RPS5: variants seen among roughly 807,000 people sequenced by gnomAD.
RPS5 encodes the protein small ribosomal subunit protein uS7.
A neutral mutation model predicts 20.9 loss-of-function variants in RPS5; 2 were observed. That is an observed-to-expected ratio of 0.10 (90% CI 0.04 to 0.30). The LOEUF (loss-of-function observed/expected upper bound fraction) is 0.30. Ranked by LOEUF, RPS5 falls within the 10% of genes least tolerant of loss-of-function variation. The pLI is 1.00. For missense variants in RPS5, 122 were observed against 287.2 expected (o/e 0.42, Z 4.16); for synonymous variants, 112 against 105.8 (o/e 1.06, Z -0.36).
chr19:58,392,443 G>GGCCAACA (rs2052369797), intron 2 of RPS5, among the ~76,000 whole-genome samples: 1 of 151,946 alleles, frequency 6.6e-6, no homozygotes, highest in South Asian at 2.1e-4. Context: ...GGCCAACATA[G>GGCCAACA]TGAAACCTGT....
At chr19:58,392,821 G>A (rs923163011) in intron 2 of RPS5, among the ~76,000 whole-genome samples, 155 bp from the exon 3 acceptor site, 1 of 152,106 alleles carries the variant, frequency 6.6e-6, no homozygotes, top group Non-Finnish European at 1.5e-5. Context: ...ATGGTGGATG[G>A]GGCTTACATC....
intron 2 of RPS5, among the ~76,000 whole-genome samples, chr19:58,389,438 C>CT (rs1390853527): frequency 6.7e-6 from 1 of 149,808 alleles, no homozygotes; most frequent in East Asian, 1.9e-4. Flanking sequence ...AACCTGCTAC[C>CT]TTTTGTTTTA....
chr19:58,390,624 C>T (rs776245722), intron 2 of RPS5, among the ~76,000 whole-genome samples: 8 of 151,950 alleles, frequency 5.3e-5, no homozygotes, highest in Non-Finnish European at 1.2e-4. Context: ...TTAGTAGAGA[C>T]AGGGTTTCAC....
At chr19:58,393,330 T>C (rs765671546) in intron 3 of RPS5, 29 bp from the exon 4 acceptor site, 1 of 1,611,578 alleles carries the variant, frequency 6.2e-7, no homozygotes, top group Admixed American at 1.7e-5. Flanking sequence ...TGGGGCTGGA[T>C]GTCAGGCTCA....
At chr19:58,391,105 G>A (rs531101901) in intron 2 of RPS5, among the ~76,000 whole-genome samples, 69 of 152,206 alleles carry the variant, frequency 4.5e-4, no homozygotes, top group African/African-American at 8.4e-4. Context: ...TTTGTGTGGG[G>A]ATGGCTATGT....
Position 58,388,208 on chromosome 19 carries a change from G to A in RPS5, c.71G>A (p.Ser24Asn). The change falls in exon 2 of 6, where the codon AGC (serine) becomes AAC (asparagine). Residue 24 changes from serine (S) to asparagine (N), a missense_variant. Around this residue, in one of 6 missense-constraint regions of RPS5, gnomAD observed 22 missense variants for 38.0 expected, o/e 0.58. Coordinates refer to ENST00000196551, the MANE Select transcript of RPS5 (RefSeq NM_001009.4). ...GACATCAAGCTCTTTGGGAAGTGGA[G>A]CACCGATGATGTGCAGATCAATGAC... ...TPDIKLFGKW[S>N]TDDVQINDIS... The A allele has an allele frequency of 6.2e-7, 1 of 1,613,114 alleles. No homozygotes were observed. Among genetic ancestry groups the A allele is most frequent in the Non-Finnish European group, 8.5e-7 (1 of 1,179,718 alleles).
In RPS5 at chr19:58,392,939, C is replaced by T. The variant is rs755772448; in HGVS notation, c.109-37C>T. ...TGGCCAACGCCCATGCTGCTCCTGA[C>T]CATTTTCCCTTCATTTCCTGCTCCC... On this transcript the variant is annotated intron_variant, in intron 2 of 5. Coordinates refer to ENST00000196551, the MANE Select transcript of RPS5 (RefSeq NM_001009.4). The T allele has an allele frequency of 3.1e-6, 5 of 1,601,344 alleles. No individual in the cohort carries two copies. In the South Asian group the frequency reaches 3.3e-5, roughly 11 times the overall value.
chr19:58,392,111 C>G (rs1274514884), intron 2 of RPS5, among the ~76,000 whole-genome samples: 1 of 152,074 alleles, frequency 6.6e-6, no homozygotes, highest in Non-Finnish European at 1.5e-5. Context: ...CACTTGAGGT[C>G]AAGAGTTCGA....
At position 58,393,329 on chromosome 19, in the gene RPS5, A is replaced by G. The variant is rs2052376113; in HGVS notation, c.319-30A>G. ...AAAGGGGAGGAATGCATGGGGCTGG[A>G]TGTCAGGCTCATATCCCCCTTCTCT... On this transcript the variant is annotated intron_variant, in intron 3 of 5. Transcript: ENST00000196551. The G allele has an allele frequency of 3.7e-6, 6 of 1,611,276 alleles. No homozygotes were observed. The East Asian group carries it at 1.1e-4, about 30-fold the overall frequency.
rs376539628 is a variant in RPS5 at position 58,394,555 on chromosome 19, T to C, written c.506T>C (p.Ile169Thr). 4.3e-6 allele frequency: 7 copies of C among 1,613,952 alleles called. No individual in the cohort carries two copies. The highest frequency in any genetic ancestry group is 5.9e-6 in the Non-Finnish European group (7 of 1,180,014). Residue 169 changes from isoleucine (I) to threonine (T), a missense_variant, in exon 5 of 6, where the codon ATT becomes ACT. By Grantham distance (89) the Ile-to-Thr change is moderately conservative (BLOSUM62 -1). Transcript: ENST00000196551. ...GCTGCCTTCCGGAACATTAAGACCA[T>C]TGCTGAGTGCCTGGCAGATGAGCTC... ...REAAFRNIKT[I>T]AECLADELIN...
Position 58,390,426 on chromosome 19 carries a change from CTTTTTTTTTTTTTTTTT to C in RPS5, c.108+2194_108+2210del, listed in dbSNP as rs61279930. Reference sequence around the variant, plus strand: ...TTGTGGGCCACACTGGCCACTGTTACTTTTTTTTTTTTTTTTTTTTTTTTTTTTTGAGATGGAGTCGC... The same window carrying C: ...TTGTGGGCCACACTGGCCACTGTTACTTTTTTTTTTTTGAGATGGAGTCGC... On this transcript the variant is annotated intron_variant, in intron 2 of 5. Transcript: ENST00000196551. Among the ~76,000 whole-genome samples the C allele has an allele frequency of 2.0e-3, 95 of 47,712 alleles. 1 individual carries two copies. The highest frequency in any genetic ancestry group is 6.3e-3 in the African/African-American group (92 of 14,638). 31.3% of individuals were successfully genotyped at this position (47,712 alleles called of 152,430 possible). A position where few individuals can be genotyped will look rare whatever the true frequency, so the allele number is the denominator to read the frequency against.
intron 1 of RPS5, chr19:58,387,730 T>A (rs1455061119): frequency 4.3e-6 from 1 of 233,832 alleles, no homozygotes; most frequent in Non-Finnish European, 8.7e-6. Context: ...TGGTCCTTGA[T>A]GTCATATAAC....
intron 2 of RPS5, among the ~76,000 whole-genome samples, chr19:58,389,046 G>A (rs56987955): frequency 6.6e-6 from 1 of 152,156 alleles, no homozygotes; most frequent in African/African-American, 2.4e-5. Flanking sequence ...GGAAGTGTGA[G>A]TTGTCCTACT....
chr19:58,393,136 T>C lies in RPS5; in HGVS notation c.269T>C (p.Val90Ala). The C allele has an allele frequency of 6.2e-7, 1 of 1,614,252 alleles. No homozygotes were observed. Among genetic ancestry groups the C allele is most frequent in the South Asian group, 1.1e-5 (1 of 91,088 alleles). ...GRNNGKKLMT[V>A]RIVKHAFEII... ...AACAACGGCAAGAAGCTCATGACTGTGCGCATCGTCAAGCATGCCTTCGAG... is the reference window on the plus strand; with the variant it reads ...AACAACGGCAAGAAGCTCATGACTGCGCGCATCGTCAAGCATGCCTTCGAG... Residue 90 changes from valine to alanine, a missense_variant, in exon 3 of 6, where the codon GTG becomes GCG. Coordinates refer to ENST00000196551, the MANE Select transcript of RPS5 (RefSeq NM_001009.4).
At chr19:58,387,864 C>T (rs2052336681) in intron 1 of RPS5, 1 of 481,412 alleles carries the variant, frequency 2.1e-6, no homozygotes, top group Non-Finnish European at 3.8e-6. Flanking sequence ...ATGGCATCTG[C>T]TGAGCCATTA....
At chr19:58,391,442 A>T (rs2052362758) in intron 2 of RPS5, among the ~76,000 whole-genome samples, 2 of 150,922 alleles carry the variant, frequency 1.3e-5, no homozygotes, top group Admixed American at 1.3e-4. Flanking sequence ...CAAAAAAAAA[A>T]AAAAAAAAAA....
At position 58,393,746 on chromosome 19, in the gene RPS5, T is replaced by G. The variant is rs116847800; in HGVS notation, c.447+259T>G. 8.8e-4 allele frequency: 373 copies of G among 425,498 alleles called. 4 individuals carry two copies. The East Asian group carries it at 0.012, about 14-fold the overall frequency. 26.4% of individuals were successfully genotyped at this position (425,498 alleles called of 1,614,324 possible). On this transcript the variant is annotated intron_variant, in intron 4 of 5. Transcript: ENST00000196551. ...ACTGTGTGTATATGTACTTTTTTTT[T>G]TTTTCTTGGACATTTTGAGAATCAG...
chr19:58,393,614 C>G, intron 4 of RPS5, 127 bp downstream of exon 4: 3 of 1,268,366 alleles, frequency 2.4e-6, no homozygotes, highest in Non-Finnish European at 3.2e-6. Flanking sequence ...CTCTAGGAAG[C>G]CTTCCTGGAT....
chr19:58,388,447 CCTT>C (rs2052341278), intron 2 of RPS5: 1 of 576,150 alleles, frequency 1.7e-6, no homozygotes, highest in East Asian at 2.9e-5. Flanking sequence ...TGAGAGGACT[CCTT>C]CACCAGAAGG....
Sources: gnomAD v4.1 joint callset for allele counts (sites outside exome capture counted in the v4.1 genomes callset) on GRCh38, gnomAD v4.1.1 for gene constraint, gnomAD v4.1.1 regional missense constraint, MANE v1.5 for transcripts, NCBI Gene and HGNC (gene_info 2026-07-23, HGNC 2026-07-21) for gene names.